SS18L1: variants seen among roughly 807,000 people sequenced by gnomAD.
The protein encoded by SS18L1 is SS18L1 subunit of BAF chromatin remodeling complex.
SS18L1 carries 32 observed loss-of-function variants against 70.3 expected under a neutral mutation model. The observed-to-expected ratio is 0.46, with a 90% CI of 0.34 to 0.61. SS18L1 has a LOEUF of 0.61. Among genes scored for constraint, SS18L1 ranks in the 20% least tolerant of loss-of-function variants. The probability of loss-of-function intolerance (pLI) is 0.01; values close to 1 mark genes in which losing one functional copy is unlikely to be tolerated. For synonymous variants in SS18L1, 237 were observed against 229.7 expected (o/e 1.03, Z -0.29); for missense variants, 430 against 542.1 (o/e 0.79, Z 2.05).
rs544512681 is a variant in SS18L1, at chr20:62,151,977, G to T, written c.70-6695G>T. Among the ~76,000 whole-genome samples, 123 of 138,590 alleles carry T rather than the reference G, an allele frequency of 8.9e-4. 4 individuals carry two copies. Among genetic ancestry groups the T allele is most frequent in the African/African-American group, 3.2e-3 (110 of 34,220 alleles). 90.9% of individuals were successfully genotyped at this position (138,590 alleles called of 152,430 possible). A position where few individuals can be genotyped will look rare whatever the true frequency, so the allele number is the denominator to read the frequency against. On this transcript the variant is annotated intron_variant, in intron 1 of 10. Transcript: ENST00000331758. ...GCCTCCCCCGTTCCCCTCTTTTCCC[G>T]GTCCCCAGGGCTGGCCTCCCCCGTT...
chr20:62,178,096 C>T (rs983440215), intron 10 of SS18L1, among the ~76,000 whole-genome samples: 3 of 149,056 alleles, frequency 2.0e-5, no homozygotes, highest in African/African-American at 5.0e-5. Flanking sequence ...CATGGCTCAC[C>T]GCAGCCTCAA....
Position 62,179,399 on chromosome 20 carries a change from G to A in SS18L1, c.*191G>A. The A allele has an allele frequency of 1.6e-6, 1 of 636,878 alleles. No individual in the cohort carries two copies. The highest frequency in any genetic ancestry group is 2.8e-6 in the Non-Finnish European group (1 of 355,548). The allele number at this position is 636,878 out of a possible 1,614,324, so 39.5% of individuals were successfully genotyped here. ...CACCACTGGCGTGAGACAGCGCTTG[G>A]TGGTGTGATACTTTTGGTGCTGTGT... On this transcript the variant is annotated 3_prime_UTR_variant, in exon 11 of 11. Transcript: ENST00000331758.
rs936333397 is a variant in SS18L1 at position 62,154,309 on chromosome 20, G to A, written c.70-4363G>A. On this transcript the variant is annotated intron_variant, in intron 1 of 10. Coordinates refer to ENST00000331758, the MANE Select transcript of SS18L1 (RefSeq NM_198935.3). Reference sequence around the variant, plus strand: ...TTGAAGAATGCCGGCCAGTCATCGAGTGCCCTTGGTTTGGGTACAAGGTGC... The same window carrying A: ...TTGAAGAATGCCGGCCAGTCATCGAATGCCCTTGGTTTGGGTACAAGGTGC... 5.8e-6 allele frequency: 6 copies of A among 1,042,146 alleles called. No homozygotes were observed. In the African/African-American group the frequency reaches 8.4e-5, roughly 15 times the overall value. The allele number at this position is 1,042,146 out of a possible 1,614,324, so 64.6% of individuals were successfully genotyped here.
chr20:62,144,155 G>A (rs1036945661), intron 1 of SS18L1, among the ~76,000 whole-genome samples: 2 of 151,234 alleles, frequency 1.3e-5, no homozygotes, highest in Admixed American at 1.3e-4. Context: ...GGCACTGGGC[G>A]GTGGGGGCCG....
At chr20:62,152,618 A>G (rs1377637289) in intron 1 of SS18L1, among the ~76,000 whole-genome samples, 1 of 152,156 alleles carries the variant, frequency 6.6e-6, no homozygotes, top group East Asian at 1.9e-4. Context: ...CAGTAAATAC[A>G]GAAGATCTAG....
chr20:62,161,747 G>T lies in SS18L1; in HGVS notation c.376+167G>T, dbSNP rs998222810. On this transcript the variant is annotated intron_variant, in intron 4 of 10. Coordinates refer to ENST00000331758, the MANE Select transcript of SS18L1 (RefSeq NM_198935.3). This position sits in a 1 kb window ranked among gnomAD's most constrained non-coding sequence, Gnocchi z 4.4. ...GCTGCCATCGCCCAGGCTCAGGGCC[G>T]CAGCGAGCGTGCCGTGCGGCTGGGC... 6.6e-6 allele frequency among the ~76,000 whole-genome samples: 1 copy of T among 152,354 alleles called. No individual in the cohort carries two copies. The highest frequency in any genetic ancestry group is 2.1e-4 in the South Asian group (1 of 4,832).
At chr20:62,163,023 T>G in intron 5 of SS18L1, 92 bp downstream of exon 5, 1 of 1,501,304 alleles carries the variant, frequency 6.7e-7, no homozygotes, top group South Asian at 1.2e-5. Flanking sequence ...CCGGGGAAGC[T>G]GCCCTCCTGC....
At chr20:62,146,656 C>G (rs1160931729) in intron 1 of SS18L1, among the ~76,000 whole-genome samples, 1 of 132,996 alleles carries the variant, frequency 7.5e-6, no homozygotes, top group Non-Finnish European at 1.5e-5. Context: ...GTTGCCCAGG[C>G]TAGAGTGCAG....
chr20:62,153,752 C>A (rs1321997588), intron 1 of SS18L1, among the ~76,000 whole-genome samples: 1 of 152,108 alleles, frequency 6.6e-6, no homozygotes, highest in Non-Finnish European at 1.5e-5. Context: ...GGGCTGCTCT[C>A]CGTGGGTCTC....
At position 62,162,780 on chromosome 20, in the gene SS18L1, G is replaced by A. The variant is rs936842290; in HGVS notation, c.405G>A (p.Thr135=). The change falls in exon 5 of 11, where the codon ACG becomes ACA. Residue 135 remains threonine, a synonymous_variant. Transcript: ENST00000331758. ...CGAGCCACGTGTCCATGCAGCAGAC[G>A]GCGCCTAACACGCTGCCCACCACCT... The part of the protein sequence containing the change: ...NGPSHVSMQQ[T]APNTLPTTSM... 45 of 1,611,512 alleles carry A rather than the reference G, an allele frequency of 2.8e-5. No homozygotes were observed. The highest frequency in any genetic ancestry group is 3.3e-5 in the South Asian group (3 of 91,030).
At chr20:62,144,680 T>C (rs745417063) in intron 1 of SS18L1, among the ~76,000 whole-genome samples, 3 of 152,274 alleles carry the variant, frequency 2.0e-5, no homozygotes, top group Non-Finnish European at 4.4e-5. Context: ...ACAGCGTTTA[T>C]GTGGGTTTGG....
rs369554842 is a variant in SS18L1 at position 62,180,543 on chromosome 20, C to T, written c.*1335C>T. On this transcript the variant is annotated 3_prime_UTR_variant, in exon 11 of 11. Coordinates refer to ENST00000331758, the MANE Select transcript of SS18L1 (RefSeq NM_198935.3). ...AAGAAAATACAAGAGATATCCAATG[C>T]TTGATATATGAGGCCTAGTAATAAC... 1.4e-4 allele frequency: 25 copies of T among 179,620 alleles called. No individual in the cohort carries two copies. Among genetic ancestry groups the T allele is most frequent in the African/African-American group, 5.4e-4 (23 of 42,496 alleles). 11.1% of individuals were successfully genotyped at this position (179,620 alleles called of 1,614,324 possible).
Position 62,179,730 on chromosome 20 carries a change from G to GGGGGGGGGGGGGGGGGGGGCCCCC in SS18L1, c.*522_*523insGGGGGGGGGGGGGGGGGGGCCCCC. 1.0e-5 allele frequency: 1 copy of GGGGGGGGGGGGGGGGGGGGCCCCC among 96,712 alleles called. No homozygotes were observed. The highest frequency in any genetic ancestry group is 2.0e-5 in the Non-Finnish European group (1 of 48,820). The allele number at this position is 96,712 out of a possible 1,614,324, so 6.0% of individuals were successfully genotyped here. A position where few individuals can be genotyped will look rare whatever the true frequency, so the allele number is the denominator to read the frequency against. On this transcript the variant is annotated 3_prime_UTR_variant, in exon 11 of 11. Coordinates refer to ENST00000331758, the MANE Select transcript of SS18L1 (RefSeq NM_198935.3). The stretch of plus-strand genomic sequence containing the variant: ...GTGCCTCGATGGGGTGGGTGGGAGG[G>GGGGGGGGGGGGGGGGGGGGCCCCC]CATCTTCTGTGCGTTGGGTCAGTTT...
chr20:62,147,186 C>T (rs2057046025), intron 1 of SS18L1, among the ~76,000 whole-genome samples: 1 of 152,088 alleles, frequency 6.6e-6, no homozygotes, highest in Non-Finnish European at 1.5e-5. Flanking sequence ...ATTGGGGGAC[C>T]TAAAGTGGAA....
intron 5 of SS18L1, 71 bp from the exon 6 acceptor site, chr20:62,163,387 A>T: frequency 1.9e-6 from 3 of 1,538,768 alleles, no homozygotes; most frequent in South Asian, 2.3e-5. Flanking sequence ...CGGGCGCAGG[A>T]GGTAGTTGGG....
intron 1 of SS18L1, among the ~76,000 whole-genome samples, chr20:62,144,957 C>G (rs2056997409): frequency 6.6e-6 from 1 of 152,254 alleles, no homozygotes; most frequent in African/African-American, 2.4e-5. Flanking sequence ...TTGACTGAGG[C>G]TGTTATTCCT....
intron 10 of SS18L1, among the ~76,000 whole-genome samples, chr20:62,176,240 G>A (rs1290858752): frequency 1.3e-5 from 2 of 152,240 alleles, no homozygotes; most frequent in African/African-American, 2.4e-5. Flanking sequence ...GACCGTGACC[G>A]GTCGTGGTGG....
chr20:62,176,955 C>T lies in SS18L1; in HGVS notation c.1165-2227C>T, dbSNP rs559637645. On this transcript the variant is annotated intron_variant, in intron 10 of 10. Transcript: ENST00000331758. ...TTGGCACAGCACTGCCGGCGCTGGGCGTCTCCTAGGGGCCATTGTGCACAC... is the reference window on the plus strand; with the variant it reads ...TTGGCACAGCACTGCCGGCGCTGGGTGTCTCCTAGGGGCCATTGTGCACAC... 1.2e-4 allele frequency among the ~76,000 whole-genome samples: 19 copies of T among 152,326 alleles called. No individual in the cohort carries two copies. In the South Asian group the frequency reaches 1.4e-3, roughly 12 times the overall value.
At position 62,143,873 on chromosome 20, in the gene SS18L1, A is replaced by G; in HGVS notation, c.53A>G (p.Gln18Arg). The G allele has an allele frequency of 7.8e-7, 1 of 1,278,540 alleles. No homozygotes were observed. Among genetic ancestry groups the G allele is most frequent in the East Asian group, 4.8e-5 (1 of 20,874 alleles). The allele number at this position is 1,278,540 out of a possible 1,614,324, so 79.2% of individuals were successfully genotyped here. A position where few individuals can be genotyped will look rare whatever the true frequency, so the allele number is the denominator to read the frequency against. ...ARPRGKGEVT[Q>R]QTIQKMLDEN... ...CCAAGAGGCAAAGGGGAGGTTACGCAGCAAACCATCCAGAAGGTGGGCCGG... is the reference window on the plus strand; with the variant it reads ...CCAAGAGGCAAAGGGGAGGTTACGCGGCAAACCATCCAGAAGGTGGGCCGG... Residue 18 changes from glutamine (Q) to arginine (R), a missense_variant, in exon 1 of 11, where the codon CAG becomes CGG. Transcript: ENST00000331758.
Sources: allele counts gnomAD v4.1 joint callset (sites outside exome capture counted in the v4.1 genomes callset), GRCh38; gene constraint gnomAD v4.1.1; non-coding constraint Gnocchi (gnomAD v3.1); transcripts MANE v1.5; gene names NCBI Gene and HGNC (gene_info 2026-07-23, HGNC 2026-07-21).